Variants in KLRC2 observed in about 807,000 individuals in gnomAD.
The protein encoded by KLRC2 is killer cell lectin like receptor C2, also known as NKG2-C type II integral membrane protein.
A neutral mutation model predicts 25.5 loss-of-function variants in KLRC2; 10 were observed. The observed-to-expected ratio is 0.39, with a 90% CI of 0.24 to 0.67. The LOEUF is 0.67. Among genes scored for constraint, KLRC2 ranks in the 30% least tolerant of loss-of-function variants. KLRC2 has a pLI of 0.45. For synonymous variants in KLRC2, 48 were observed against 93.3 expected, an observed-to-expected ratio of 0.51 and a Z score of 2.80; for missense variants, 170 against 272.8, an observed-to-expected ratio of 0.62 and a Z score of 2.65.
In KLRC2 at chr12:10,433,757, T is replaced by G. The variant is rs1863839891; in HGVS notation, c.483+34A>C. 3 of 1,534,616 alleles carry G rather than the reference T, an allele frequency of 2.0e-6. No homozygotes were observed. The Admixed American group carries it at 5.2e-5, about 26-fold the overall frequency. On this transcript the variant is annotated intron_variant, in intron 4 of 5. Coordinates refer to ENST00000381902, the MANE Select transcript of KLRC2 (RefSeq NM_002260.4). ...AAATGTATTATTCACTGAAGGAAGC[T>G]TTTCATAAAATGTTTGAAACATTTA...
At position 10,434,331 on chromosome 12, in the gene KLRC2, A is replaced by C. The variant is rs146728046; in HGVS notation, c.331+155T>G. 7.1e-4 allele frequency: 438 copies of C among 619,264 alleles called. 14 individuals are homozygous for C. The East Asian group carries it at 0.014, about 19-fold the overall frequency. 38.4% of individuals were successfully genotyped at this position (619,264 alleles called of 1,614,324 possible). On this transcript the variant is annotated intron_variant, in intron 3 of 5. Transcript: ENST00000381902. ...AGTGAGTATTTCTACTCACTGGAGAAAAGGAAATGCTGCCTCATAATCTTT... is the reference window on the plus strand; with the variant it reads ...AGTGAGTATTTCTACTCACTGGAGACAAGGAAATGCTGCCTCATAATCTTT...
At chr12:10,432,376 T>C (rs1474430178) in intron 4 of KLRC2, among the ~76,000 whole-genome samples, 170 bp from the exon 5 acceptor site, 1 of 120,580 alleles carries the variant, frequency 8.3e-6, no homozygotes, top group African/African-American at 3.0e-5. Context: ...TCATTCTTAT[T>C]CTCATGTTAA....
rs148303942 is a variant in KLRC2 at position 10,435,355 on chromosome 12, A to G, written c.243T>C (p.Ile81=). The change falls in exon 2 of 6, where the codon ATT becomes ATC. Residue 81 remains isoleucine (I), a synonymous_variant. Transcript: ENST00000381902. The part of the protein sequence containing the change: ...LTAEVLGIIC[I]VLMATVLKTI... ...TTTTTAACACAGTGGCCATCAGGACAATGCAAATGATTCCTAGGACCTCGG... is the reference window on the plus strand; with the variant it reads ...TTTTTAACACAGTGGCCATCAGGACGATGCAAATGATTCCTAGGACCTCGG... 7 of 1,612,544 alleles carry G rather than the reference A, an allele frequency of 4.3e-6. No individual in the cohort carries two copies. The African/African-American group carries it at 6.7e-5, about 15-fold the overall frequency.
chr12:10,433,145 T>A (rs1863832406), intron 4 of KLRC2, among the ~76,000 whole-genome samples: 1 of 141,686 alleles, frequency 7.1e-6, no homozygotes, highest in Non-Finnish European at 1.5e-5. Context: ...TCTTTGTCCC[T>A]GAGGGCATGA....
At chr12:10,434,770 ATTTG>A (rs1444423217) in intron 2 of KLRC2, among the ~76,000 whole-genome samples, 1 of 152,084 alleles carries the variant, frequency 6.6e-6, no homozygotes, top group African/African-American at 2.4e-5. Context: ...TCAAAAATTA[ATTTG>A]TTTTTCTAAA....
At chr12:10,435,653 G>A in intron 1 of KLRC2, 147 bp downstream of exon 1, 1 of 1,037,518 alleles carries the variant, frequency 9.6e-7, no homozygotes, top group South Asian at 1.7e-5. Flanking sequence ...AATAAAATTA[G>A]TCTTCTGATT....
In KLRC2 at chr12:10,433,873, T is replaced by A; in HGVS notation, c.401A>T (p.Glu134Val). 1.6e-5 allele frequency: 25 copies of A among 1,550,822 alleles called. 2 individuals are homozygous for A. Among genetic ancestry groups the A allele is most frequent in the Non-Finnish European group, 2.2e-5 (25 of 1,136,314 alleles). ...YSNSCYYIGK[E>V]RRTWEESLLA... ...CAAACTCTCTTCCCAAGTTCTTCTT[T>A]CCTTACCAATGTAATAACAACTGTT... The change falls in exon 4 of 6, where the codon GAA (glutamate) becomes GTA (valine). Residue 134 changes from glutamate to valine, a missense_variant. Physicochemically the swap from Glu to Val is moderately radical, Grantham distance 121 (BLOSUM62 -2). Transcript: ENST00000381902.
chr12:10,434,840 G>C (rs1304471739), intron 2 of KLRC2, among the ~76,000 whole-genome samples: 6 of 151,558 alleles, frequency 4.0e-5, no homozygotes, highest in African/African-American at 1.5e-4. Flanking sequence ...ATCTTTGTGT[G>C]TGTATGTATA....
rs144832633 is a variant in KLRC2 at position 10,433,554 on chromosome 12, T to G, written c.483+237A>C. Among the ~76,000 whole-genome samples the G allele has an allele frequency of 4.7e-4, 67 of 142,086 alleles. 14 individuals carry two copies. In the East Asian group the frequency reaches 0.012, roughly 26 times the overall value. 93.2% of individuals were successfully genotyped at this position (142,086 alleles called of 152,430 possible). ...CCCGATAAAATTAGATAGCAAAATTTATTGTGGATTCAAAGCACTTATAGA... is the reference window on the plus strand; with the variant it reads ...CCCGATAAAATTAGATAGCAAAATTGATTGTGGATTCAAAGCACTTATAGA... On this transcript the variant is annotated intron_variant, in intron 4 of 5. Coordinates refer to ENST00000381902, the MANE Select transcript of KLRC2 (RefSeq NM_002260.4).
chr12:10,431,482 C>G (rs530042952), intron 5 of KLRC2, among the ~76,000 whole-genome samples: 1 of 142,150 alleles, frequency 7.0e-6, no homozygotes, highest in South Asian at 2.2e-4. Flanking sequence ...TATGTTTTCT[C>G]TACACATTCA....
rs1223471189 is a variant in KLRC2, at chr12:10,433,641, T to G, written c.483+150A>C. The G allele has an allele frequency of 2.1e-5, 20 of 956,224 alleles. 4 individuals are homozygous for G. The highest frequency in any genetic ancestry group is 2.8e-4 in the Middle Eastern group (1 of 3,550). The allele number at this position is 956,224 out of a possible 1,614,324, so 59.2% of individuals were successfully genotyped here. On this transcript the variant is annotated intron_variant, in intron 4 of 5. Coordinates refer to ENST00000381902, the MANE Select transcript of KLRC2 (RefSeq NM_002260.4). ...AATGTACATTAGCAGTATATAACTT[T>G]AAAAACATTATTAAGTCAATCAATT...
At chr12:10,435,710 G>C (rs1168995858) in intron 1 of KLRC2, 90 bp downstream of exon 1, 4 of 1,361,728 alleles carry the variant, frequency 2.9e-6, no homozygotes, top group Non-Finnish European at 3.0e-6. Context: ...ATTCTCACAA[G>C]TGCAAAATAT....
At chr12:10,434,130 TC>T in intron 3 of KLRC2, 188 bp from the exon 4 acceptor site, 1 of 985,184 alleles carries the variant, frequency 1.0e-6, no homozygotes, top group Non-Finnish European at 1.5e-6. Context: ...TAGCCTCTCC[TC>T]CCTAATTGTG....
Position 10,434,512 on chromosome 12 carries a change from A to G in KLRC2, c.305T>C (p.Phe102Ser), listed in dbSNP as rs1141715. ...TTTCTGCGTTCTTGTATTCGGGGAA[A>G]AATTGTTCTGCTCCAGGACTGTAAT... Reference protein sequence around the residue: ...VLIPFLEQNNFSPNTRTQKAR... With the variant: ...VLIPFLEQNNSSPNTRTQKAR... The change falls in exon 3 of 6, where the codon TTT becomes TCT. Residue 102 changes from phenylalanine (F) to serine (S), a missense_variant. Transcript: ENST00000381902. The G allele has an allele frequency of 0.85, 1,323,383 of 1,553,216 alleles. 546,972 individuals are homozygous for G. Among genetic ancestry groups the G allele is most frequent in the Non-Finnish European group, 0.88 (997,108 of 1,133,538 alleles).
Position 10,435,058 on chromosome 12 carries a change from A to G in KLRC2, c.286+254T>C. On this transcript the variant is annotated intron_variant, in intron 2 of 5. Transcript: ENST00000381902. ...TCCAGGACTGTAACAGAAAAATTAA[A>G]ATGATTTTTATAAAAAGTAATATTT... The G allele has an allele frequency of 3.6e-6, 4 of 1,099,906 alleles. 1 individual carries two copies. Among genetic ancestry groups the G allele is most frequent in the Non-Finnish European group, 4.8e-6 (4 of 830,738 alleles). The allele number at this position is 1,099,906 out of a possible 1,614,324, so 68.1% of individuals were successfully genotyped here.
intron 4 of KLRC2, among the ~76,000 whole-genome samples, chr12:10,433,468 G>A (rs1863836288): frequency 7.0e-6 from 1 of 141,938 alleles, no homozygotes; most frequent in Non-Finnish European, 1.5e-5. Flanking sequence ...TTCATGATCT[G>A]ACTTGTATCA....
chr12:10,432,847 G>A (rs2947114), intron 4 of KLRC2, among the ~76,000 whole-genome samples: 90,515 of 133,210 alleles, frequency 0.68, 36,968 homozygotes, highest in Non-Finnish European at 0.83. Flanking sequence ...CCAAGTGTCC[G>A]AGTGAGCATG....
intron 4 of KLRC2, among the ~76,000 whole-genome samples, chr12:10,433,487 C>A (rs1863836519): frequency 7.0e-6 from 1 of 142,034 alleles, no homozygotes; most frequent in Non-Finnish European, 1.5e-5. Flanking sequence ...CACATGCATT[C>A]ATTCACTTTG....
intron 5 of KLRC2, among the ~76,000 whole-genome samples, chr12:10,431,753 T>C (rs1439608877): frequency 7.9e-6 from 1 of 125,986 alleles, no homozygotes; most frequent in Non-Finnish European, 1.7e-5. Flanking sequence ...CACAAATACG[T>C]AAACTTTCTT....
Sources: gnomAD v4.1 joint callset for allele counts (sites outside exome capture counted in the v4.1 genomes callset) on GRCh38, gnomAD v4.1.1 for gene constraint, MANE v1.5 for transcripts, NCBI Gene and HGNC (gene_info 2026-07-23, HGNC 2026-07-21) for gene names.